Variants in MOV10L1 observed in about 807,000 individuals in gnomAD.
The protein encoded by MOV10L1 is RNA helicase Mov10l1.
A neutral mutation model predicts 143.8 loss-of-function variants in MOV10L1; 110 were observed. The observed-to-expected ratio is 0.76, with a 90% CI of 0.66 to 0.90. The LOEUF (loss-of-function observed/expected upper bound fraction) is 0.90. Among genes scored for constraint, MOV10L1 ranks in the 40% least tolerant of loss-of-function variants. MOV10L1 has a pLI of 0.00. For synonymous variants in MOV10L1, 593 were observed against 581.1 expected (o/e 1.02, Z -0.29); for missense variants, 1,406 against 1,526.8 (o/e 0.92, Z 1.32).
intron 7 of MOV10L1, among the ~76,000 whole-genome samples, 172 bp from the exon 8 acceptor site, chr22:50,114,942 G>A (rs1043107201): frequency 6.6e-6 from 1 of 152,182 alleles, no homozygotes. Context: ...CCTACTTCCA[G>A]CTGCTCTCTC....
At chr22:50,143,298 GTT>G (rs772116046) in intron 17 of MOV10L1, 77 bp downstream of exon 17, 2 of 1,463,670 alleles carry the variant, frequency 1.4e-6, no homozygotes, top group Non-Finnish European at 1.9e-6. Flanking sequence ...GGAAGTGTGA[GTT>G]TAGATTGTAG....
intron 7 of MOV10L1, among the ~76,000 whole-genome samples, 176 bp downstream of exon 7, chr22:50,114,798 A>T (rs1369180677): frequency 1.3e-5 from 2 of 152,152 alleles, no homozygotes; most frequent in African/African-American, 2.4e-5. Context: ...AGGGAGAGGG[A>T]CAAAAAGCAG....
intron 3 of MOV10L1, 116 bp downstream of exon 3, chr22:50,099,718 C>A (rs968891727): frequency 4.0e-6 from 5 of 1,259,526 alleles, no homozygotes; most frequent in Non-Finnish European, 5.4e-6. Context: ...CAGGCTGAGA[C>A]AGGAGGATCG....
In MOV10L1 at chr22:50,159,811, A is replaced by G. The variant is rs2063510385; in HGVS notation, c.3324+26A>G. 2.0e-6 allele frequency: 3 copies of G among 1,500,576 alleles called. No homozygotes were observed. Among genetic ancestry groups the G allele is most frequent in the African/African-American group, 2.8e-5 (2 of 72,280 alleles). 93.0% of individuals were successfully genotyped at this position (1,500,576 alleles called of 1,614,324 possible). ...GTAGGTATCCCTGTTCTCCGTGGGG[A>G]TGGACAGTCAGGTGCTTGCTGCCCT... On this transcript the variant is annotated intron_variant, in intron 24 of 26. Transcript: ENST00000262794. This position sits in a 1 kb window ranked among gnomAD's most constrained non-coding sequence, Gnocchi z 4.1.
intron 17 of MOV10L1, chr22:50,143,434 T>C (rs1310146639): frequency 3.5e-6 from 2 of 574,610 alleles, no homozygotes; most frequent in Non-Finnish European, 6.1e-6. Flanking sequence ...ATTTTTAGCC[T>C]GGTAAACTAT....
chr22:50,156,237 T>C (rs2063425331), intron 22 of MOV10L1, among the ~76,000 whole-genome samples: 1 of 151,890 alleles, frequency 6.6e-6, no homozygotes, highest in African/African-American at 2.4e-5. Context: ...TGCCTCAGCC[T>C]CCCAAGCAGC....
chr22:50,119,085 C>T (rs2062262634), intron 9 of MOV10L1, among the ~76,000 whole-genome samples: 1 of 152,174 alleles, frequency 6.6e-6, no homozygotes, highest in Admixed American at 6.5e-5. Flanking sequence ...TCTAGTGACA[C>T]ACCAAGCAGC....
chr22:50,129,235 G>A lies in MOV10L1; in HGVS notation c.1910+728G>A, dbSNP rs565163142. Among the ~76,000 whole-genome samples, 7 of 152,240 alleles carry A rather than the reference G, an allele frequency of 4.6e-5. No homozygotes were observed. The South Asian group carries it at 8.3e-4, about 18-fold the overall frequency. ...CTTTGGTTCATGCCTCACTGTCACCGTCAGCTACCAGCTCCTTACTTTTAT... is the reference window on the plus strand; with the variant it reads ...CTTTGGTTCATGCCTCACTGTCACCATCAGCTACCAGCTCCTTACTTTTAT... On this transcript the variant is annotated intron_variant, in intron 13 of 26. Transcript: ENST00000262794.
rs189329446 is a variant in MOV10L1, at chr22:50,109,451, T to C, written c.743+607T>C. On this transcript the variant is annotated intron_variant, in intron 5 of 26. Transcript: ENST00000262794. ...CTGGGAGGCCGAGGCGGGTGAATCA[T>C]GAGGTCAGGGGATCGAGACCATCCT... Among the ~76,000 whole-genome samples the C allele has an allele frequency of 6.3e-4, 96 of 151,704 alleles. 1 individual carries two copies. The highest frequency in any genetic ancestry group is 2.1e-3 in the African/African-American group (86 of 41,354).
rs1166720923 is a variant in MOV10L1 at position 50,092,136 on chromosome 22, T to C, written c.233T>C (p.Ile78Thr). The change falls in exon 2 of 27, where the codon ATT (isoleucine) becomes ACT (threonine). Residue 78 changes from isoleucine to threonine, a missense_variant. Physicochemically the swap from Ile to Thr is moderately conservative, Grantham distance 89. Around this residue, in one of 3 missense-constraint regions of MOV10L1, gnomAD observed 166 missense variants for 153.9 expected, o/e 1.08. Transcript: ENST00000262794. Reference sequence around the variant, plus strand: ...CTTCTGAATGTTGGACAGGAAGTGATTGCAGTTGTGGAAGAAAATAAAGTG... The same window carrying C: ...CTTCTGAATGTTGGACAGGAAGTGACTGCAGTTGTGGAAGAAAATAAAGTG... Reference protein sequence around the residue: ...RVLLNVGQEVIAVVEENKVSN... With the variant: ...RVLLNVGQEVTAVVEENKVSN... The C allele has an allele frequency of 2.4e-5, 38 of 1,614,030 alleles. No individual in the cohort carries two copies. The highest frequency in any genetic ancestry group is 2.7e-5 in the Non-Finnish European group (32 of 1,180,024).
intron 16 of MOV10L1, 73 bp from the exon 17 acceptor site, chr22:50,142,970 C>T (rs2063033942): frequency 2.1e-6 from 3 of 1,445,374 alleles, no homozygotes; most frequent in Non-Finnish European, 9.6e-7. Context: ...GACGCCTGAC[C>T]TAGGTGAGGA....
At chr22:50,105,998 ACT>A in intron 3 of MOV10L1, among the ~76,000 whole-genome samples, 1 of 152,252 alleles carries the variant, frequency 6.6e-6, no homozygotes, top group Non-Finnish European at 1.5e-5. Context: ...TCTGATTTGT[ACT>A]GTGGTGCTTT....
chr22:50,109,685 A>T, intron 5 of MOV10L1: 1 of 229,040 alleles, frequency 4.4e-6, no homozygotes, highest in South Asian at 5.4e-5. Flanking sequence ...AAAAAAAAAA[A>T]AAAAAAATTA....
intron 9 of MOV10L1, among the ~76,000 whole-genome samples, chr22:50,119,808 G>C (rs2087681128): frequency 6.6e-6 from 1 of 151,742 alleles, no homozygotes; most frequent in African/African-American, 2.4e-5. Flanking sequence ...CTTCTCTCTT[G>C]GGTGAGACTG....
rs2063275681 is a variant in MOV10L1, at chr22:50,150,721, C to A, written c.2728-14C>A. The A allele has an allele frequency of 1.2e-6, 2 of 1,612,208 alleles. No individual in the cohort carries two copies. Among genetic ancestry groups the A allele is most frequent in the African/African-American group, 1.3e-5 (1 of 74,886 alleles). ...CCCTCCCTGCATGAGCTGAGACGGG[C>A]CCTCTGTGTGCAGATCGTGCTGGCA... On this transcript the variant is annotated splice_polypyrimidine_tract_variant and intron_variant, in intron 20 of 26. Coordinates refer to ENST00000262794, the MANE Select transcript of MOV10L1 (RefSeq NM_018995.3).
At chr22:50,116,832 T>C (rs999673495) in intron 8 of MOV10L1, among the ~76,000 whole-genome samples, 9 of 151,962 alleles carry the variant, frequency 5.9e-5, no homozygotes, top group Non-Finnish European at 1.3e-4. Flanking sequence ...ATTTGTGTAT[T>C]TTTTGCAGAG....
chr22:50,127,489 C>T (rs897631267), intron 12 of MOV10L1, among the ~76,000 whole-genome samples: 1 of 152,230 alleles, frequency 6.6e-6, no homozygotes, highest in Non-Finnish European at 1.5e-5. Flanking sequence ...AATCCCATGG[C>T]CCTGTACCAC....
Position 50,159,702 on chromosome 22 carries a change from C to A in MOV10L1, c.3241C>A (p.Arg1081Ser). ...KQVEKIRILLRNVDLMDIKVG... is the reference protein window; with the variant it reads ...KQVEKIRILLSNVDLMDIKVG... The stretch of plus-strand genomic sequence containing the variant: ...GGTGGAGAAAATCAGAATTCTTTTG[C>A]GTAATGTTGATCTGATGGATATAAA... The change falls in exon 24 of 27, where the codon CGT (arginine) becomes AGT (serine). Residue 1081 changes from arginine to serine, a missense_variant. By Grantham distance (110) the Arg-to-Ser change is moderately radical. Coordinates refer to ENST00000262794, the MANE Select transcript of MOV10L1 (RefSeq NM_018995.3). The surrounding 1 kb of genome is among the most constrained non-coding windows in gnomAD (Gnocchi z 4.1). 6.2e-7 allele frequency: 1 copy of A among 1,610,908 alleles called. No individual in the cohort carries two copies. Among genetic ancestry groups the A allele is most frequent in the Non-Finnish European group, 8.5e-7 (1 of 1,177,768 alleles).
intron 2 of MOV10L1, chr22:50,095,329 T>C (rs896308672): frequency 6.6e-6 from 1 of 152,254 alleles, no homozygotes; most frequent in Non-Finnish European, 1.5e-5. Flanking sequence ...TTAGTATTTA[T>C]GGACTTCCAT....
Sources: allele counts gnomAD v4.1 joint callset (sites outside exome capture counted in the v4.1 genomes callset), GRCh38; gene constraint gnomAD v4.1.1; regional missense constraint gnomAD v4.1.1; non-coding constraint Gnocchi (gnomAD v3.1); transcripts MANE v1.5; gene names NCBI Gene and HGNC (gene_info 2026-07-23, HGNC 2026-07-21).